The following TOX variants were observed in gnomAD, a reference collection of about 807,000 sequenced individuals.
TOX encodes thymocyte selection-associated high mobility group box protein TOX.
TOX carries 11 observed loss-of-function variants against 53.7 expected under a neutral mutation model. That is an observed-to-expected ratio of 0.20 (90% CI 0.13 to 0.34). The LOEUF is 0.34. Ranked by LOEUF, TOX falls within the 10% of genes least tolerant of loss-of-function variation. The pLI is 1.00. For synonymous variants in TOX, 225 were observed against 245.3 expected (o/e 0.92, Z 0.77); for missense variants, 570 against 664.6 (o/e 0.86, Z 1.56).
At chr8:58,939,573 C>T (rs764192692) in intron 2 of TOX, 29 bp from the exon 3 acceptor site, 34 of 1,584,336 alleles carry the variant, frequency 2.1e-5, no homozygotes, top group Non-Finnish European at 2.8e-5. Flanking sequence ...GACATTGTTG[C>T]AAATTATCAT....
At chr8:58,923,735 A>G (rs1812112112) in intron 3 of TOX, among the ~76,000 whole-genome samples, 1 of 151,778 alleles carries the variant, frequency 6.6e-6, no homozygotes. Context: ...TAATTTTTGT[A>G]CTCCTGCTAT....
chr8:59,094,519 G>T (rs1185850640), intron 1 of TOX, among the ~76,000 whole-genome samples: 1 of 151,556 alleles, frequency 6.6e-6, no homozygotes, highest in Non-Finnish European at 1.5e-5. Context: ...ACGCATATAG[G>T]TATTACATAA....
intron 8 of TOX, 43 bp from the exon 9 acceptor site, chr8:58,807,826 C>T (rs1370784574): frequency 6.2e-7 from 1 of 1,612,600 alleles, no homozygotes; most frequent in Non-Finnish European, 8.5e-7. Flanking sequence ...ACAGGACAAC[C>T]TGTGCTACAG....
chr8:58,826,583 C>T (rs1810371224), intron 6 of TOX, among the ~76,000 whole-genome samples: 1 of 152,214 alleles, frequency 6.6e-6, no homozygotes, highest in African/African-American at 2.4e-5. Flanking sequence ...GACTAATCCA[C>T]AAAACCAATC....
At chr8:58,827,596 A>AT (rs1810386900) in intron 5 of TOX, among the ~76,000 whole-genome samples, 1 of 152,180 alleles carries the variant, frequency 6.6e-6, no homozygotes, top group African/African-American at 2.4e-5. Context: ...TGGACACCTC[A>AT]TTTTGAAAAG....
chr8:58,855,596 T>G (rs2129168609), intron 3 of TOX, among the ~76,000 whole-genome samples: 1 of 152,288 alleles, frequency 6.6e-6, no homozygotes, highest in East Asian at 1.9e-4. Context: ...TCTTTTCACT[T>G]GCAATAGCTG....
At chr8:59,058,613 C>T (rs1280686659) in intron 1 of TOX, among the ~76,000 whole-genome samples, 3 of 152,128 alleles carry the variant, frequency 2.0e-5, no homozygotes, top group East Asian at 1.9e-4. Flanking sequence ...TATAGGGACT[C>T]CTAAGTGCGA....
At chr8:58,920,737 G>GAAAAAAAAAAAAAAAAAAAAAAAAA (rs1397497086) in intron 3 of TOX, among the ~76,000 whole-genome samples, 1 of 47,742 alleles carries the variant, frequency 2.1e-5, no homozygotes, top group African/African-American at 6.8e-5. Flanking sequence ...AAAAAAAAAA[G>GAAAAAAAAAAAAAAAAAAAAAAAAA]AAAAAAAAGA....
intron 1 of TOX, among the ~76,000 whole-genome samples, chr8:59,071,090 C>G (rs1356666273): frequency 6.6e-6 from 1 of 152,142 alleles, no homozygotes; most frequent in Non-Finnish European, 1.5e-5. Context: ...TGCTTCTGTT[C>G]CTGCTTCTAC....
chr8:58,936,620 G>T (rs984566472), intron 3 of TOX, among the ~76,000 whole-genome samples: 2 of 152,142 alleles, frequency 1.3e-5, no homozygotes, highest in African/African-American at 4.8e-5. Context: ...GGAATTAGTA[G>T]ACAAAAGATA....
At chr8:58,866,124 T>C (rs574002456) in intron 3 of TOX, among the ~76,000 whole-genome samples, 1 of 152,310 alleles carries the variant, frequency 6.6e-6, no homozygotes, top group South Asian at 2.1e-4. Flanking sequence ...CATGAGCCAC[T>C]GTGCCTGGCT....
chr8:59,068,779 C>A (rs1473006430), intron 1 of TOX, among the ~76,000 whole-genome samples: 1 of 152,100 alleles, frequency 6.6e-6, no homozygotes, highest in Non-Finnish European at 1.5e-5. Flanking sequence ...AGGTTTGTAA[C>A]CACTTCACTA....
chr8:58,971,740 G>GTA (rs1364011330), intron 1 of TOX, among the ~76,000 whole-genome samples: 6 of 152,066 alleles, frequency 3.9e-5, no homozygotes, highest in Middle Eastern at 3.2e-3. Flanking sequence ...CTAGGCTGGA[G>GTA]TACAGCAGCG....
Position 58,807,642 on chromosome 8 carries a change from C to T in TOX, c.*105G>A. On this transcript the variant is annotated 3_prime_UTR_variant, in exon 9 of 9. Coordinates refer to ENST00000361421, the MANE Select transcript of TOX (RefSeq NM_014729.3). ...TCAAATGGTCCTAAGTGCTTAGCAACTTGTATTTTCTAATAAAATGGAGAA... is the reference window on the plus strand; with the variant it reads ...TCAAATGGTCCTAAGTGCTTAGCAATTTGTATTTTCTAATAAAATGGAGAA... The T allele has an allele frequency of 1.5e-6, 2 of 1,368,476 alleles. No homozygotes were observed. Among genetic ancestry groups the T allele is most frequent in the Non-Finnish European group, 2.1e-6 (2 of 972,122 alleles). 84.8% of individuals were successfully genotyped at this position (1,368,476 alleles called of 1,614,324 possible).
chr8:59,052,267 T>C (rs1230766456), intron 1 of TOX, among the ~76,000 whole-genome samples: 1 of 152,216 alleles, frequency 6.6e-6, no homozygotes. Flanking sequence ...ATGCCAAAAG[T>C]GTTTTTTCAC....
chr8:58,868,983 G>A (rs1328999037), intron 3 of TOX, among the ~76,000 whole-genome samples: 1 of 151,798 alleles, frequency 6.6e-6, no homozygotes, highest in Admixed American at 6.6e-5. Context: ...TATCAGAAAT[G>A]AAAGAGGAGC....
At chr8:59,084,176 T>C in intron 1 of TOX, among the ~76,000 whole-genome samples, 1 of 152,172 alleles carries the variant, frequency 6.6e-6, no homozygotes, top group East Asian at 1.9e-4. Context: ...ATATACTTAT[T>C]TTAAAATAAA....
chr8:59,044,857 A>T (rs1803656725), intron 1 of TOX, among the ~76,000 whole-genome samples: 1 of 152,268 alleles, frequency 6.6e-6, no homozygotes, highest in Non-Finnish European at 1.5e-5. Context: ...ACAAGAAAGC[A>T]TAAAAGGAAA....
At chr8:59,052,191 C>T (rs1427048283) in intron 1 of TOX, among the ~76,000 whole-genome samples, 1 of 152,186 alleles carries the variant, frequency 6.6e-6, no homozygotes, top group Non-Finnish European at 1.5e-5. Context: ...AATGGGAACA[C>T]ATTAAAGTAT....
Sources: allele counts gnomAD v4.1 joint callset (sites outside exome capture counted in the v4.1 genomes callset), GRCh38; gene constraint gnomAD v4.1.1; transcripts MANE v1.5; gene names NCBI Gene and HGNC (gene_info 2026-07-23, HGNC 2026-07-21).